Variants in RBFOX1 observed in about 807,000 individuals in gnomAD.
RBFOX1 encodes the protein RNA binding protein fox-1 homolog 1.
In RBFOX1, 8 loss-of-function variants were observed where a neutral mutation model predicts 57.7. The observed-to-expected ratio is 0.14, with a 90% CI of 0.08 to 0.25. The LOEUF is 0.25. Ranked by LOEUF, RBFOX1 falls within the 10% of genes least tolerant of loss-of-function variation. RBFOX1 has a pLI of 1.00. For missense variants in RBFOX1, 611 were observed against 548.5 expected, an observed-to-expected ratio of 1.11 and a Z score of -1.14; for synonymous variants, 326 against 222.4, an observed-to-expected ratio of 1.47 and a Z score of -4.15.
At chr16:6,490,899 C>CT (rs1196756963) in intron 2 of RBFOX1, among the ~76,000 whole-genome samples, 1 of 152,054 alleles carries the variant, frequency 6.6e-6, no homozygotes, top group Non-Finnish European at 1.5e-5. Context: ...GTCAAATGTC[C>CT]TTTTTTAATA....
At position 6,711,947 on chromosome 16, in the gene RBFOX1, C is replaced by T. The variant is rs575828557; in HGVS notation, c.-16+57297C>T. ...GCCTTCTCCTACATTTCTTGTCTCC[C>T]ATTCTTCCTTTGTAGCTGTAGCATT... On this transcript the variant is annotated intron_variant, in intron 3 of 15. Transcript: ENST00000550418. 5.3e-5 allele frequency among the ~76,000 whole-genome samples: 8 copies of T among 152,254 alleles called. No individual in the cohort carries two copies. The South Asian group carries it at 1.5e-3, about 28-fold the overall frequency.
intron 2 of RBFOX1, among the ~76,000 whole-genome samples, chr16:6,357,454 T>G (rs561284418): frequency 1.3e-5 from 2 of 151,600 alleles, no homozygotes; most frequent in South Asian, 4.2e-4. Context: ...GAGGGTATTG[T>G]TTTCCTGGGG....
chr16:6,603,349 T>C (rs2097880280), intron 2 of RBFOX1, among the ~76,000 whole-genome samples: 1 of 152,208 alleles, frequency 6.6e-6, no homozygotes, highest in African/African-American at 2.4e-5. Flanking sequence ...AATAGCTTGA[T>C]GTATACAACT....
chr16:7,500,989 TG>T (rs1332047030), intron 4 of RBFOX1, among the ~76,000 whole-genome samples: 1 of 152,200 alleles, frequency 6.6e-6, no homozygotes, highest in Admixed American at 6.5e-5. Context: ...TCCTTCCTGC[TG>T]CCATGTGAAG....
rs143012846 is a variant in RBFOX1 at position 7,372,216 on chromosome 16, T to A, written c.28-145931T>A. On this transcript the variant is annotated intron_variant, in intron 4 of 15. Transcript: ENST00000550418. Reference sequence around the variant, plus strand: ...CACTTTCTCACCATCAGTGCAGACATCCTATTTGGGCCTCGGAGCTGGAGT... The same window carrying A: ...CACTTTCTCACCATCAGTGCAGACAACCTATTTGGGCCTCGGAGCTGGAGT... Among the ~76,000 whole-genome samples, 36 of 152,246 alleles carry A rather than the reference T, an allele frequency of 2.4e-4. 3 individuals are homozygous for A. In the East Asian group the frequency reaches 7.0e-3, roughly 30 times the overall value.
chr16:7,276,118 G>A (rs1180736542), intron 4 of RBFOX1, among the ~76,000 whole-genome samples: 2 of 152,210 alleles, frequency 1.3e-5, no homozygotes, highest in African/African-American at 2.4e-5. Flanking sequence ...AATCAGGCTT[G>A]TAGATTTAAA....
chr16:5,646,631 C>T (rs1430892730), intron 3 of RBFOX1, among the ~76,000 whole-genome samples: 2 of 151,898 alleles, frequency 1.3e-5, no homozygotes, highest in South Asian at 2.1e-4. Context: ...TAAGGGAAGA[C>T]CCTCTTATTT....
intron 2 of RBFOX1, among the ~76,000 whole-genome samples, chr16:6,361,160 T>G (rs1284330077): frequency 6.6e-6 from 1 of 152,056 alleles, no homozygotes; most frequent in Non-Finnish European, 1.5e-5. Flanking sequence ...GTTATCAGGT[T>G]ATGTGTCTCA....
intron 1 of RBFOX1, among the ~76,000 whole-genome samples, chr16:5,246,604 C>G (rs1006585929): frequency 6.6e-6 from 1 of 152,108 alleles, no homozygotes; most frequent in Admixed American, 6.6e-5. Flanking sequence ...TGGCATCTGC[C>G]CACTTCCCCA....
intron 1 of RBFOX1, among the ~76,000 whole-genome samples, chr16:5,337,219 C>T (rs2064920310): frequency 2.0e-5 from 3 of 152,168 alleles, no homozygotes; most frequent in African/African-American, 7.2e-5. Flanking sequence ...ATTGACTGGG[C>T]TTGTGAGAAA....
At chr16:6,254,501 C>T (rs1017980428) in intron 1 of RBFOX1, among the ~76,000 whole-genome samples, 1 of 152,082 alleles carries the variant, frequency 6.6e-6, no homozygotes, top group South Asian at 2.1e-4. Context: ...ATAACCCTTG[C>T]TGAGTTTGAA....
At chr16:6,450,143 A>G (rs540084530) in intron 2 of RBFOX1, among the ~76,000 whole-genome samples, 2 of 152,268 alleles carry the variant, frequency 1.3e-5, no homozygotes, top group Admixed American at 6.5e-5. Context: ...GTGACTATAA[A>G]TCCTGGCTTC....
intron 2 of RBFOX1, among the ~76,000 whole-genome samples, chr16:6,619,366 C>T (rs778720680): frequency 6.6e-6 from 1 of 152,134 alleles, no homozygotes; most frequent in Non-Finnish European, 1.5e-5. Context: ...TTTAAATAGC[C>T]ATCTATGCCA....
chr16:6,923,764 ATAGT>A (rs1230899396), intron 3 of RBFOX1, among the ~76,000 whole-genome samples: 1 of 152,126 alleles, frequency 6.6e-6, no homozygotes, highest in African/African-American at 2.4e-5. Flanking sequence ...AGCTTAATTA[ATAGT>A]TAGTCTATTT....
chr16:6,029,831 A>T (rs2152384565), intron 1 of RBFOX1, among the ~76,000 whole-genome samples: 1 of 151,872 alleles, frequency 6.6e-6, no homozygotes, highest in Middle Eastern at 3.4e-3. Context: ...GGTGAGGGAT[A>T]AGAACCAAGA....
At chr16:7,366,588 T>C (rs149034627) in intron 4 of RBFOX1, among the ~76,000 whole-genome samples, 20 of 152,254 alleles carry the variant, frequency 1.3e-4, no homozygotes, top group African/African-American at 3.4e-4. Context: ...CTAGTTGATA[T>C]ATTTGTTGGA....
intron 3 of RBFOX1, among the ~76,000 whole-genome samples, chr16:6,714,729 G>T (rs1331151016): frequency 6.6e-6 from 1 of 151,596 alleles, no homozygotes; most frequent in Non-Finnish European, 1.5e-5. Flanking sequence ...GCTTCAAGGT[G>T]TTGCATCTAC....
At chr16:7,175,205 C>G (rs971249406) in intron 4 of RBFOX1, among the ~76,000 whole-genome samples, 12 of 152,064 alleles carry the variant, frequency 7.9e-5, no homozygotes, top group Admixed American at 3.3e-4. Context: ...CCTATCCACC[C>G]CAGCCCCCAA....
chr16:6,885,859 A>G (rs1011724611), intron 3 of RBFOX1, among the ~76,000 whole-genome samples: 1 of 152,108 alleles, frequency 6.6e-6, no homozygotes, highest in Non-Finnish European at 1.5e-5. Context: ...TTTTAGAGAA[A>G]TTCTAGAAAT....
Sources: gnomAD v4.1 joint callset for allele counts (sites outside exome capture counted in the v4.1 genomes callset) on GRCh38, gnomAD v4.1.1 for gene constraint, MANE v1.5 for transcripts, NCBI Gene and HGNC (gene_info 2026-07-23, HGNC 2026-07-21) for gene names.